Variants in CCDC171 observed in about 807,000 individuals in gnomAD.
CCDC171 encodes coiled-coil domain containing 171.
CCDC171 carries 177 observed loss-of-function variants against 168.2 expected under a neutral mutation model. The ratio of observed to expected loss-of-function variants is 1.05; its 90% confidence interval spans 0.93 to 1.19. The LOEUF (loss-of-function observed/expected upper bound fraction) is 1.19. CCDC171 is among the 50% of genes most tolerant of loss of function. CCDC171 has a pLI of 0.00. For synonymous variants in CCDC171, 687 were observed against 540.8 expected (o/e 1.27, Z -3.75); for missense variants, 1,991 against 1,539.0 (o/e 1.29, Z -4.91).
chr9:15,763,736 TG>T (rs1393732181), intron 18 of CCDC171, among the ~76,000 whole-genome samples: 2 of 152,226 alleles, frequency 1.3e-5, no homozygotes, highest in Non-Finnish European at 2.9e-5. Flanking sequence ...GTATTACCTG[TG>T]ACTGTAGTTT....
chr9:16,043,780 A>G (rs1813876384), intron 1 of CCDC171, among the ~76,000 whole-genome samples: 1 of 152,230 alleles, frequency 6.6e-6, no homozygotes, highest in African/African-American at 2.4e-5. Context: ...AGTAAATTTG[A>G]GAGAGATTTC....
rs2134227327 is a variant in CCDC171, at chr9:15,723,737, A to G, written c.1482A>G (p.Lys494=). The change falls in exon 13 of 26, where the codon AAA becomes AAG. Residue 494 remains lysine, a synonymous_variant. Transcript: ENST00000380701. ...AACAGAAGATAGACTCTCACACTAA[A>G]AATATAAAGGTATTATTTAGAATAA... The part of the protein sequence containing the change: ...STKQKIDSHT[K]NIKELQDKLA... The G allele has an allele frequency of 6.7e-7, 1 of 1,484,524 alleles. No homozygotes were observed. Among genetic ancestry groups the G allele is most frequent in the Non-Finnish European group, 9.3e-7 (1 of 1,071,580 alleles). 92.0% of individuals were successfully genotyped at this position (1,484,524 alleles called of 1,614,324 possible).
the CCDC171 span, among the ~76,000 whole-genome samples, chr9:16,069,473 G>A: frequency 2.0e-4 from 30 of 152,358 alleles, no homozygotes; most frequent in East Asian, 4.5e-3. Context: ...AGGCGCCAGC[G>A]TGCGAGCCTC....
intron 7 of CCDC171, among the ~76,000 whole-genome samples, chr9:15,629,393 G>C (rs1425148238): frequency 1.3e-5 from 2 of 152,192 alleles, no homozygotes; most frequent in Non-Finnish European, 2.9e-5. Context: ...GAAGCCTCAG[G>C]AGCCGATGCT....
At chr9:16,023,116 T>C (rs2987078) in intron 6 of CCDC171, among the ~76,000 whole-genome samples, 143,808 of 151,832 alleles carry the variant, frequency 0.95, 68,208 homozygotes, top group African/African-American at 0.98. Context: ...TTTTTTTAAA[T>C]GGAGTCTCAC....
intron 7 of CCDC171, among the ~76,000 whole-genome samples, chr9:15,642,344 T>TGTATAC (rs2046694579): frequency 1.5e-4 from 1 of 6,834 alleles, no homozygotes; most frequent in African/African-American, 5.8e-4. Flanking sequence ...TGTGTGTGTG[T>TGTATAC]ATATATATAT....
chr9:16,063,210 T>A (rs544651241), downstream of CCDC171, among the ~76,000 whole-genome samples: 24 of 152,026 alleles, frequency 1.6e-4, no homozygotes, highest in Non-Finnish European at 2.9e-4. Flanking sequence ...AAGGGGTGAT[T>A]TTCAAGTAAT....
chr9:15,755,549 A>G (rs2056054014), intron 18 of CCDC171, among the ~76,000 whole-genome samples: 1 of 152,194 alleles, frequency 6.6e-6, no homozygotes, highest in South Asian at 2.1e-4. Flanking sequence ...AAAAAGTGAA[A>G]AGAAAACCCA....
chr9:15,942,863 C>T (rs372891160), intron 25 of CCDC171, among the ~76,000 whole-genome samples: 94 of 151,742 alleles, frequency 6.2e-4, no homozygotes, highest in African/African-American at 2.2e-3. Flanking sequence ...AATGCTCCTA[C>T]AATATTAATA....
At chr9:16,097,598 T>C in the CCDC171 span, among the ~76,000 whole-genome samples, 429 of 152,320 alleles carry the variant, frequency 2.8e-3, 1 homozygote, top group Non-Finnish European at 4.0e-3. Context: ...TGAGCAAGCA[T>C]ACTATCTCAA....
At chr9:15,895,358 G>A (rs895447626) in intron 24 of CCDC171, among the ~76,000 whole-genome samples, 20 of 152,044 alleles carry the variant, frequency 1.3e-4, no homozygotes, top group African/African-American at 4.8e-4. Flanking sequence ...GAAAGTCAAA[G>A]TAACTGTGAT....
intron 5 of CCDC171, 60 bp downstream of exon 5, chr9:15,591,616 C>T: frequency 1.1e-6 from 1 of 925,206 alleles, no homozygotes. Flanking sequence ...ATGTGTTGTA[C>T]ATTACTTGAA....
chr9:15,706,968 C>G (rs74746343), intron 11 of CCDC171, among the ~76,000 whole-genome samples: 119 of 152,304 alleles, frequency 7.8e-4, no homozygotes, highest in South Asian at 2.3e-3. Flanking sequence ...TTTCCTCCCC[C>G]CTTTCCTGCT....
chr9:15,750,512 A>G (rs1446230867), intron 18 of CCDC171, among the ~76,000 whole-genome samples: 1 of 152,218 alleles, frequency 6.6e-6, no homozygotes, highest in Non-Finnish European at 1.5e-5. Flanking sequence ...AAATGCAACA[A>G]AAAAAGAGAA....
At chr9:15,559,697 G>T (rs2039114901) in intron 1 of CCDC171, among the ~76,000 whole-genome samples, 1 of 152,122 alleles carries the variant, frequency 6.6e-6, no homozygotes, top group Admixed American at 6.5e-5. Context: ...TTGCCAGTCT[G>T]TGTCTTTTAA....
chr9:15,957,162 A>T (rs1829882104), intron 25 of CCDC171, among the ~76,000 whole-genome samples: 1 of 152,088 alleles, frequency 6.6e-6, no homozygotes. Context: ...AAGTCGTTAA[A>T]CATCTTGCTG....
chr9:15,682,367 A>C (rs1435806199), intron 10 of CCDC171, among the ~76,000 whole-genome samples: 3 of 152,060 alleles, frequency 2.0e-5, no homozygotes, highest in Non-Finnish European at 4.4e-5. Flanking sequence ...TTATATAAAT[A>C]TAAAACATAA....
At chr9:15,696,346 G>C (rs1352083660) in intron 11 of CCDC171, among the ~76,000 whole-genome samples, 1 of 152,092 alleles carries the variant, frequency 6.6e-6, no homozygotes, top group Admixed American at 6.5e-5. Flanking sequence ...CTTTGCTATT[G>C]TCTATGTTTT....
intron 21 of CCDC171, among the ~76,000 whole-genome samples, chr9:15,832,951 G>A (rs1189616216): frequency 6.7e-6 from 1 of 149,830 alleles, no homozygotes; most frequent in African/African-American, 2.4e-5. Context: ...ATATTAGTAG[G>A]TGATAGGAAA....
Sources: allele counts gnomAD v4.1 joint callset (sites outside exome capture counted in the v4.1 genomes callset), GRCh38; gene constraint gnomAD v4.1.1; transcripts MANE v1.5; gene names NCBI Gene and HGNC (gene_info 2026-07-23, HGNC 2026-07-21).